DLG2: variants seen among roughly 807,000 people sequenced by gnomAD.
DLG2 encodes the protein disks large homolog 2.
DLG2 carries 45 observed loss-of-function variants against 132.5 expected under a neutral mutation model. That is an observed-to-expected ratio of 0.34 (90% confidence interval 0.27 to 0.44). The LOEUF (loss-of-function observed/expected upper bound fraction) is 0.44. Among genes scored for constraint, DLG2 ranks in the 20% least tolerant of loss-of-function variants. The probability of loss-of-function intolerance (pLI) is 1.00; values close to 1 mark genes in which losing one functional copy is unlikely to be tolerated. For synonymous variants in DLG2, 424 were observed against 419.6 expected, an observed-to-expected ratio of 1.01 and a Z score of -0.13; for missense variants, 1,045 against 1,196.9, an observed-to-expected ratio of 0.87 and a Z score of 1.87.
At chr11:83,791,044 G>C in intron 17 of DLG2, 1 of 724,984 alleles carries the variant, frequency 1.4e-6, no homozygotes, top group South Asian at 1.7e-5. Context: ...GTCTCAGACT[G>C]AAGGTCGTGG....
At chr11:84,852,794 A>G (rs1353403313) in intron 6 of DLG2, among the ~76,000 whole-genome samples, 1 of 152,026 alleles carries the variant, frequency 6.6e-6, no homozygotes, top group Non-Finnish European at 1.5e-5. Flanking sequence ...GATTTGGCAG[A>G]TATCTGGTAG....
intron 6 of DLG2, among the ~76,000 whole-genome samples, chr11:84,696,796 C>G (rs1002126889): frequency 1.3e-5 from 2 of 151,220 alleles, no homozygotes; most frequent in African/African-American, 2.4e-5. Flanking sequence ...TGTTAAGGAG[C>G]CTAAATTTGA....
intron 11 of DLG2, among the ~76,000 whole-genome samples, chr11:84,044,761 T>C (rs998362435): frequency 2.6e-5 from 4 of 151,744 alleles, no homozygotes; most frequent in Non-Finnish European, 2.9e-5. Context: ...AAGTTTCAAC[T>C]ACTCTTTGAA....
At chr11:83,571,073 G>C (rs918922643) in intron 19 of DLG2, among the ~76,000 whole-genome samples, 1 of 151,932 alleles carries the variant, frequency 6.6e-6, no homozygotes, top group Admixed American at 6.6e-5. Context: ...GTAGAGACAG[G>C]GTTTCACCAT....
At chr11:84,115,869 C>T (rs1221496686) in intron 9 of DLG2, among the ~76,000 whole-genome samples, 1 of 152,192 alleles carries the variant, frequency 6.6e-6, no homozygotes, top group Non-Finnish European at 1.5e-5. Flanking sequence ...GTATAAGCTC[C>T]AGGAGGCAGG....
At chr11:83,536,212 C>G (rs943612611) in intron 20 of DLG2, among the ~76,000 whole-genome samples, 2 of 152,152 alleles carry the variant, frequency 1.3e-5, no homozygotes, top group Non-Finnish European at 2.9e-5. Flanking sequence ...AAACCACAAC[C>G]AAATTTAAGC....
intron 4 of DLG2, among the ~76,000 whole-genome samples, chr11:85,279,662 C>G (rs1411478879): frequency 1.3e-5 from 2 of 152,042 alleles, no homozygotes; most frequent in East Asian, 1.9e-4. Flanking sequence ...GAAGTAATTA[C>G]TCTTTTCCAC....
At chr11:85,281,348 G>A (rs143676121) in intron 4 of DLG2, among the ~76,000 whole-genome samples, 3,036 of 152,074 alleles carry the variant, frequency 0.02, 61 homozygotes, top group Admixed American at 0.037. Context: ...AGGAGAAAAG[G>A]AATCATTGGG....
At chr11:85,191,949 C>T (rs1016742438) in intron 4 of DLG2, among the ~76,000 whole-genome samples, 1 of 152,016 alleles carries the variant, frequency 6.6e-6, no homozygotes, top group Non-Finnish European at 1.5e-5. Flanking sequence ...CCAAGTAATG[C>T]GGTTACCTTA....
chr11:83,709,249 G>A (rs959154106), intron 18 of DLG2, among the ~76,000 whole-genome samples: 18 of 145,436 alleles, frequency 1.2e-4, no homozygotes, highest in Non-Finnish European at 2.3e-4. Flanking sequence ...GTGTGTGTGT[G>A]TATATGTGTG....
chr11:85,422,129 T>C, intron 3 of DLG2, among the ~76,000 whole-genome samples: 1 of 152,324 alleles, frequency 6.6e-6, no homozygotes, highest in Non-Finnish European at 1.5e-5. Context: ...CTTTCCTTCA[T>C]CTTAACTTTA....
intron 19 of DLG2, among the ~76,000 whole-genome samples, chr11:83,583,997 T>A (rs541082414): frequency 6.6e-6 from 1 of 152,220 alleles, no homozygotes. Context: ...ATTAACTCAG[T>A]GTCAGAAAGT....
chr11:85,129,304 C>G (rs893528625), intron 5 of DLG2, among the ~76,000 whole-genome samples: 10 of 152,152 alleles, frequency 6.6e-5, no homozygotes, highest in African/African-American at 2.4e-4. Flanking sequence ...GATCTTACTC[C>G]AAATCTGATA....
intron 22 of DLG2, chr11:83,480,274 G>T (rs1033687553): frequency 2.2e-6 from 2 of 928,948 alleles, no homozygotes; most frequent in Non-Finnish European, 3.3e-6. Flanking sequence ...GATGATAAAA[G>T]GTAGCAATTG....
chr11:83,644,140 A>T (rs1238546776), intron 18 of DLG2, among the ~76,000 whole-genome samples: 1 of 152,118 alleles, frequency 6.6e-6, no homozygotes, highest in African/African-American at 2.4e-5. Flanking sequence ...AATACAACAG[A>T]TACTTTTCTT....
At chr11:85,558,067 G>T (rs983953526) in intron 3 of DLG2, among the ~76,000 whole-genome samples, 2 of 151,666 alleles carry the variant, frequency 1.3e-5, no homozygotes, top group Admixed American at 6.6e-5. Context: ...ATCCAACAAA[G>T]GTCTAATATC....
chr11:85,422,989 G>C (rs780424089), intron 3 of DLG2, among the ~76,000 whole-genome samples: 1 of 151,160 alleles, frequency 6.6e-6, no homozygotes, highest in Non-Finnish European at 1.5e-5. Flanking sequence ...TTGAGCTAGT[G>C]TGATTTCTTG....
intron 4 of DLG2, among the ~76,000 whole-genome samples, chr11:85,213,154 G>C (rs1019664478): frequency 6.6e-6 from 1 of 152,146 alleles, no homozygotes. Context: ...GGGTCTCTCA[G>C]AGTTAAGGTA....
intron 18 of DLG2, among the ~76,000 whole-genome samples, chr11:83,780,176 T>C (rs576457137): frequency 1.3e-5 from 2 of 152,346 alleles, no homozygotes; most frequent in African/African-American, 4.8e-5. Flanking sequence ...ATGTCTTGCA[T>C]TGTAAGTATG....
Sources: allele counts gnomAD v4.1 joint callset (sites outside exome capture counted in the v4.1 genomes callset), GRCh38; gene constraint gnomAD v4.1.1; transcripts MANE v1.5; gene names NCBI Gene and HGNC (gene_info 2026-07-23, HGNC 2026-07-21).